The following CEP112 variants were observed in gnomAD, a reference collection of about 807,000 sequenced individuals.
CEP112 encodes centrosomal protein of 112 kDa.
A neutral mutation model predicts 153.0 loss-of-function variants in CEP112; 127 were observed. The ratio of observed to expected loss-of-function variants is 0.83; its 90% CI spans 0.72 to 0.96. CEP112 has a LOEUF of 0.96. Among genes scored for constraint, CEP112 ranks in the 40% least tolerant of loss-of-function variants. CEP112 has a pLI of 0.00. For missense variants in CEP112, 1,089 were observed against 1,101.2 expected (o/e 0.99, Z 0.16); for synonymous variants, 358 against 374.4 (o/e 0.96, Z 0.51).
At chr17:65,845,212 G>T (rs1046937351) in intron 21 of CEP112, among the ~76,000 whole-genome samples, 3 of 152,134 alleles carry the variant, frequency 2.0e-5, no homozygotes, top group African/African-American at 7.2e-5. Flanking sequence ...CCAGATACTT[G>T]GGAGGCTGAG....
chr17:65,710,249 C>G (rs2049106781), intron 23 of CEP112, among the ~76,000 whole-genome samples: 1 of 152,188 alleles, frequency 6.6e-6, no homozygotes, highest in Non-Finnish European at 1.5e-5. Flanking sequence ...TCGATTTCTT[C>G]TTGTCTTTAG....
intron 17 of CEP112, among the ~76,000 whole-genome samples, chr17:65,971,146 C>T (rs1402345676): frequency 6.6e-6 from 1 of 152,098 alleles, no homozygotes; most frequent in East Asian, 1.9e-4. Context: ...TGCATGTGCA[C>T]ATGATACATG....
intron 21 of CEP112, among the ~76,000 whole-genome samples, chr17:65,787,337 G>T (rs1159145337): frequency 1.3e-5 from 2 of 152,120 alleles, no homozygotes; most frequent in Admixed American, 6.5e-5. Context: ...TAAAAATTCA[G>T]CTGGGCATGG....
At chr17:65,967,013 C>G (rs2062438848) in intron 17 of CEP112, among the ~76,000 whole-genome samples, 1 of 152,136 alleles carries the variant, frequency 6.6e-6, no homozygotes, top group South Asian at 2.1e-4. Context: ...CTCATAAGCT[C>G]AATGAAACTA....
chr17:65,910,593 A>G (rs2060248229), intron 19 of CEP112, among the ~76,000 whole-genome samples: 1 of 152,140 alleles, frequency 6.6e-6, no homozygotes, highest in Non-Finnish European at 1.5e-5. Context: ...GACCCAAATA[A>G]CTCCATCACA....
chr17:65,976,735 C>CTTTCTTTTTTTT (rs1555743390), intron 17 of CEP112, among the ~76,000 whole-genome samples: 2 of 85,358 alleles, frequency 2.3e-5, no homozygotes, highest in African/African-American at 5.4e-5. Flanking sequence ...ATAACTTTTT[C>CTTTCTTTTTTTT]TTTTTTTTTT....
intron 21 of CEP112, among the ~76,000 whole-genome samples, chr17:65,799,107 T>C (rs751496768): frequency 6.6e-6 from 1 of 152,216 alleles, no homozygotes. Context: ...TATGATAATG[T>C]AGTATTTAAT....
chr17:65,968,850 A>AT (rs1230002930), intron 17 of CEP112, among the ~76,000 whole-genome samples: 1 of 119,518 alleles, frequency 8.4e-6, no homozygotes, highest in Non-Finnish European at 1.8e-5. Flanking sequence ...CTGTACATAC[A>AT]TTTTTTATTA....
At chr17:65,768,786 A>G (rs951534980) in intron 21 of CEP112, among the ~76,000 whole-genome samples, 1 of 152,148 alleles carries the variant, frequency 6.6e-6, no homozygotes, top group Non-Finnish European at 1.5e-5. Flanking sequence ...AAGTTCTTCA[A>G]CATAATAAAG....
chr17:65,976,738 T>TC (rs1555743405), intron 17 of CEP112, among the ~76,000 whole-genome samples: 2,107 of 38,442 alleles, frequency 0.055, 82 homozygotes, highest in African/African-American at 0.21. Context: ...ACTTTTTCTT[T>TC]TTTTTTTTTT....
intron 16 of CEP112, among the ~76,000 whole-genome samples, chr17:66,025,014 G>C (rs990862410): frequency 3.3e-5 from 5 of 152,074 alleles, no homozygotes; most frequent in African/African-American, 4.8e-5. Flanking sequence ...CTTTGACAAA[G>C]TCAACAAAAA....
At chr17:66,126,336 G>C (rs1222638185) in intron 6 of CEP112, among the ~76,000 whole-genome samples, 1 of 151,892 alleles carries the variant, frequency 6.6e-6, no homozygotes, top group Non-Finnish European at 1.5e-5. Flanking sequence ...TCTAAAACTT[G>C]AAAAACCAAA....
At chr17:65,682,372 G>A (rs546905620) in intron 24 of CEP112, among the ~76,000 whole-genome samples, 9 of 150,444 alleles carry the variant, frequency 6.0e-5, no homozygotes, top group East Asian at 1.9e-4. Context: ...CAAGCCTTCC[G>A]TATTTCTCTT....
chr17:66,096,322 G>A lies in CEP112; in HGVS notation c.697C>T (p.Pro233Ser). The A allele has an allele frequency of 6.2e-7, 1 of 1,612,762 alleles. No individual in the cohort carries two copies. Among genetic ancestry groups the A allele is most frequent in the Non-Finnish European group, 8.5e-7 (1 of 1,179,268 alleles). The change falls in exon 8 of 27, where the codon CCG becomes TCG. Residue 233 changes from proline to serine, a missense_variant. By Grantham distance (74) the Pro-to-Ser change is moderately conservative. Coordinates refer to ENST00000535342, the MANE Select transcript of CEP112 (RefSeq NM_001199165.4). ...QKPIPVSLMT[P>S]KFSLRKSSSF... is the part of the protein sequence containing the mutation. Reference sequence around the variant, plus strand: ...CTGGATTTTCTCAGGCTGAATTTCGGTGTCATCTGCTAAATGAACAGGAGT... The same window carrying A: ...CTGGATTTTCTCAGGCTGAATTTCGATGTCATCTGCTAAATGAACAGGAGT...
At chr17:66,020,117 C>G (rs2064942629) in intron 16 of CEP112, among the ~76,000 whole-genome samples, 1 of 152,128 alleles carries the variant, frequency 6.6e-6, no homozygotes, top group Non-Finnish European at 1.5e-5. Context: ...AGAGGGCTTA[C>G]CAGACTGCAA....
chr17:65,790,801 G>C (rs925973877), intron 21 of CEP112, among the ~76,000 whole-genome samples: 1 of 152,114 alleles, frequency 6.6e-6, no homozygotes, highest in South Asian at 2.1e-4. Flanking sequence ...AAGAGCTTGG[G>C]GCTTGTAAAT....
At chr17:65,928,621 G>GGGA (rs1316774053) in intron 18 of CEP112, among the ~76,000 whole-genome samples, 8 of 152,294 alleles carry the variant, frequency 5.3e-5, no homozygotes, top group African/African-American at 1.7e-4. Context: ...CATGTACTCT[G>GGGA]GGAGGCTGAG....
intron 20 of CEP112, among the ~76,000 whole-genome samples, chr17:65,878,101 A>T (rs1271929348): frequency 1.3e-5 from 2 of 152,162 alleles, no homozygotes; most frequent in Non-Finnish European, 2.9e-5. Context: ...AGTTCTGGAG[A>T]TCTAATATAT....
chr17:65,835,448 G>A (rs964773134), intron 21 of CEP112, among the ~76,000 whole-genome samples: 16 of 152,128 alleles, frequency 1.1e-4, no homozygotes, highest in African/African-American at 3.6e-4. Context: ...AATACTCAAA[G>A]CAGCAAGAGA....
Sources: allele counts gnomAD v4.1 joint callset (sites outside exome capture counted in the v4.1 genomes callset), GRCh38; gene constraint gnomAD v4.1.1; transcripts MANE v1.5; gene names NCBI Gene and HGNC (gene_info 2026-07-23, HGNC 2026-07-21).